PARP12: variants seen among roughly 807,000 people sequenced by gnomAD.
The protein encoded by PARP12 is protein mono-ADP-ribosyltransferase PARP12.
Under a neutral mutation model 72.4 loss-of-function variants are expected in PARP12, and 59 were observed. The observed-to-expected ratio is 0.81, with a 90% CI of 0.66 to 1.01. The LOEUF (loss-of-function observed/expected upper bound fraction) is 1.01. Ranked by LOEUF, PARP12 falls within the 50% of genes least tolerant of loss-of-function variation. The pLI is 0.00. For missense variants in PARP12, 851 were observed against 914.0 expected, an observed-to-expected ratio of 0.93 and a Z score of 0.89; for synonymous variants, 403 against 371.4, an observed-to-expected ratio of 1.09 and a Z score of -0.98.
Position 140,054,699 on chromosome 7 carries a change from G to A in PARP12, c.825C>T (p.Ile275=), listed in dbSNP as rs767881927. The A allele has an allele frequency of 3.7e-6, 6 of 1,614,124 alleles. No homozygotes were observed. Among genetic ancestry groups the A allele is most frequent in the Non-Finnish European group, 5.1e-6 (6 of 1,179,956 alleles). The change falls in exon 4 of 12, where the codon ATC becomes ATT. Residue 275 remains isoleucine (I), a synonymous_variant. Coordinates refer to ENST00000263549, the MANE Select transcript of PARP12 (RefSeq NM_022750.4). ...NTLSQEEGDQ[I]CLYHIRKSCS... ...AACTTTTCCGGATATGGTACAAACA[G>A]ATCTGATCACCCTCCTCCTGGCTAA...
intron 6 of PARP12, chr7:140,038,101 G>A (rs1213045692): frequency 1.0e-6 from 1 of 985,434 alleles, no homozygotes. Context: ...CAGGAAGACA[G>A]GGATGGGAGC....
chr7:140,048,449 T>C (rs1816825023), intron 4 of PARP12, among the ~76,000 whole-genome samples: 1 of 151,810 alleles, frequency 6.6e-6, no homozygotes, highest in Non-Finnish European at 1.5e-5. Context: ...CAGAGAAGTG[T>C]CATGAGAGGA....
intron 5 of PARP12, among the ~76,000 whole-genome samples, chr7:140,042,203 C>G (rs1816505205): frequency 6.6e-6 from 1 of 152,204 alleles, no homozygotes; most frequent in Non-Finnish European, 1.5e-5. Context: ...GAGCCAGACC[C>G]TGCATTAAGC....
At chr7:140,058,617 C>T (rs1817297269) in intron 1 of PARP12, among the ~76,000 whole-genome samples, 1 of 152,092 alleles carries the variant, frequency 6.6e-6, no homozygotes, top group African/African-American at 2.4e-5. Flanking sequence ...AAGAAATCAA[C>T]CCTGCCACCT....
intron 6 of PARP12, among the ~76,000 whole-genome samples, chr7:140,040,430 G>C (rs1816413864): frequency 6.6e-6 from 1 of 152,186 alleles, no homozygotes; most frequent in Non-Finnish European, 1.5e-5. Flanking sequence ...GGGAAAGGAA[G>C]TAGTGCAAGG....
At chr7:140,056,129 T>C (rs1007121969) in intron 3 of PARP12, among the ~76,000 whole-genome samples, 8 of 152,236 alleles carry the variant, frequency 5.3e-5, no homozygotes, top group Admixed American at 3.3e-4. Flanking sequence ...CAGTGTATCA[T>C]CATCTCCCTG....
chr7:140,054,601 C>A (rs1469659360), intron 4 of PARP12, 61 bp downstream of exon 4: 1 of 1,374,174 alleles, frequency 7.3e-7, no homozygotes, highest in African/African-American at 1.4e-5. Context: ...GAGCACAGCT[C>A]TGGGAATGAC....
chr7:140,038,405 G>C (rs376153365), intron 6 of PARP12: 1 of 750,074 alleles, frequency 1.3e-6, no homozygotes, highest in African/African-American at 1.9e-5. Flanking sequence ...GCTGGAGTGA[G>C]TTTGAATTCT....
At chr7:140,033,657 G>A in intron 8 of PARP12, 2 of 985,384 alleles carry the variant, frequency 2.0e-6, no homozygotes, top group Non-Finnish European at 2.4e-6. Context: ...CAAAGCACAA[G>A]AATTTCCCCT....
intron 9 of PARP12, 54 bp downstream of exon 9, chr7:140,028,559 A>T: frequency 6.9e-7 from 1 of 1,445,632 alleles, no homozygotes; most frequent in South Asian, 1.3e-5. Flanking sequence ...GTTCACACAC[A>T]CCCACTTCTA....
intron 1 of PARP12, among the ~76,000 whole-genome samples, chr7:140,062,052 T>C (rs1441971265): frequency 6.7e-6 from 1 of 149,830 alleles, no homozygotes; most frequent in Non-Finnish European, 1.5e-5. Context: ...CAGGACCTTG[T>C]GGGCGATGGC....
chr7:140,056,975 C>A lies in PARP12; in HGVS notation c.641G>T (p.Gly214Val). 1 of 1,614,206 alleles carries A rather than the reference C, an allele frequency of 6.2e-7. No homozygotes were observed. The highest frequency in any genetic ancestry group is 8.5e-7 in the Non-Finnish European group (1 of 1,180,042). The change falls in exon 3 of 12, where the codon GGT (glycine) becomes GTT (valine). Residue 214 changes from glycine (G) to valine (V), a missense_variant. By Grantham distance (109) the Gly-to-Val change is moderately radical. Around this residue, in one of 3 missense-constraint regions of PARP12, gnomAD observed 492 missense variants for 489.3 expected, o/e 1.01. Transcript: ENST00000263549. ...CCTGCTCACCAGGTCTGAGCTCATA[C>A]CCAACTTCTCCAATTTTTCCAGATT... ...SENLEKLEKL[G>V]MSSDLVSRLP... is the part of the protein sequence containing the mutation.
intron 6 of PARP12, among the ~76,000 whole-genome samples, chr7:140,038,597 A>C (rs1194297311): frequency 6.6e-6 from 1 of 152,234 alleles, no homozygotes. Context: ...TGGAGCACTT[A>C]GTACAGTGCC....
At chr7:140,038,063 C>A in intron 6 of PARP12, 5 of 985,334 alleles carry the variant, frequency 5.1e-6, no homozygotes, top group Non-Finnish European at 6.0e-6. Flanking sequence ...CTAGCAAACA[C>A]AATGCAGTAA....
Position 140,023,812 on chromosome 7 carries a change from T to G in PARP12, c.*748A>C, listed in dbSNP as rs528745111. 1 of 153,320 alleles carries G rather than the reference T, an allele frequency of 6.5e-6. No individual in the cohort carries two copies. Among genetic ancestry groups the G allele is most frequent in the Non-Finnish European group, 1.5e-5 (1 of 68,448 alleles). The allele number at this position is 153,320 out of a possible 1,614,324, so 9.5% of individuals were successfully genotyped here. Reference sequence around the variant, plus strand: ...ACATGTGTGGCACAAGTATTCAATCTCACAGGGATGTTAAAACCCACACTC... The same window carrying G: ...ACATGTGTGGCACAAGTATTCAATCGCACAGGGATGTTAAAACCCACACTC... On this transcript the variant is annotated 3_prime_UTR_variant, in exon 12 of 12. Transcript: ENST00000263549.
intron 5 of PARP12, among the ~76,000 whole-genome samples, chr7:140,044,003 GAGA>G (rs1449016608): frequency 6.6e-6 from 1 of 152,194 alleles, no homozygotes; most frequent in African/African-American, 2.4e-5. Context: ...AAGATAAAGT[GAGA>G]AGACTTCACC....
chr7:140,043,757 C>A lies in PARP12; in HGVS notation c.987-1918G>T, dbSNP rs1360421961. 2.0e-5 allele frequency among the ~76,000 whole-genome samples: 3 copies of A among 152,298 alleles called. No individual in the cohort carries two copies. In the East Asian group the frequency reaches 5.8e-4, roughly 29 times the overall value. ...ATGTTGGCCAGGCTGGTCTTGAACT[C>A]CTGGCCTCAAGCCATCCGCCCTCCT... On this transcript the variant is annotated intron_variant, in intron 5 of 11. Coordinates refer to ENST00000263549, the MANE Select transcript of PARP12 (RefSeq NM_022750.4).
chr7:140,046,805 T>TGG, intron 5 of PARP12, 79 bp downstream of exon 5: 1 of 1,210,110 alleles, frequency 8.3e-7, no homozygotes. Context: ...TCACAGTGTG[T>TGG]GTGTGTGTGT....
intron 7 of PARP12, chr7:140,034,540 T>C (rs1200142139): frequency 5.2e-6 from 2 of 381,604 alleles, no homozygotes; most frequent in South Asian, 2.5e-5. Flanking sequence ...GTTTAATGAA[T>C]AGAGGAATGA....
Sources: gnomAD v4.1 joint callset for allele counts (sites outside exome capture counted in the v4.1 genomes callset) on GRCh38, gnomAD v4.1.1 for gene constraint, gnomAD v4.1.1 regional missense constraint, MANE v1.5 for transcripts, NCBI Gene and HGNC (gene_info 2026-07-23, HGNC 2026-07-21) for gene names.